UGT2A1: variants seen among roughly 807,000 people sequenced by gnomAD.
The protein encoded by UGT2A1 is UDP-glucuronosyltransferase 2A1.
A neutral mutation model predicts 45.4 loss-of-function variants in UGT2A1; 61 were observed. That is an observed-to-expected ratio of 1.34 (90% CI 1.09 to 1.66). The LOEUF (loss-of-function observed/expected upper bound fraction) is 1.66. Among genes scored for constraint, UGT2A1 ranks in the 40% most tolerant of loss-of-function variants. UGT2A1 has a pLI of 0.00. For missense variants in UGT2A1, 649 were observed against 574.3 expected, an observed-to-expected ratio of 1.13 and a Z score of -1.33; for synonymous variants, 229 against 196.2, an observed-to-expected ratio of 1.17 and a Z score of -1.40.
Position 69,600,773 on chromosome 4 carries a change from G to A in UGT2A1, c.848-1379C>T, listed in dbSNP as rs1046211676. 4.6e-5 allele frequency among the ~76,000 whole-genome samples: 7 copies of A among 151,178 alleles called. No homozygotes were observed. The East Asian group carries it at 1.4e-3, about 30-fold the overall frequency. On this transcript the variant is annotated intron_variant, in intron 3 of 6. Coordinates refer to ENST00000286604, the MANE Select transcript of UGT2A1 (RefSeq NM_001252275.3). ...GTTGTTTTGCATGATGGGAGCAGGA[G>A]CAAGAGAGAGAGTGAGGGCAAAGGT...
In UGT2A1 at chr4:69,608,433, G is replaced by C. The variant is rs553824647; in HGVS notation, c.848-9039C>G. ...CGGGGCCTGTTGTGGGGTGGGGGGA[G>C]GGGGGAAGGATAGCGTTGGGAAATA... On this transcript the variant is annotated intron_variant, in intron 3 of 6. Coordinates refer to ENST00000286604, the MANE Select transcript of UGT2A1 (RefSeq NM_001252275.3). Among the ~76,000 whole-genome samples the C allele has an allele frequency of 8.0e-4, 106 of 132,498 alleles. 1 individual carries two copies. The highest frequency in any genetic ancestry group is 1.9e-4 in the Non-Finnish European group (12 of 62,208). 86.9% of individuals were successfully genotyped at this position (132,498 alleles called of 152,430 possible). A position where few individuals can be genotyped will look rare whatever the true frequency, so the allele number is the denominator to read the frequency against.
chr4:69,599,209 A>G (rs1719109349), intron 4 of UGT2A1, 37 bp downstream of exon 4: 2 of 1,575,100 alleles, frequency 1.3e-6, no homozygotes, highest in African/African-American at 2.8e-5. Context: ...GTATTTTATT[A>G]TGAAGAGCAT....
intron 6 of UGT2A1, 136 bp from the exon 7 acceptor site, chr4:69,589,787 T>G: frequency 7.7e-7 from 1 of 1,295,234 alleles, no homozygotes; most frequent in Admixed American, 2.8e-5. Context: ...TGCATGAACT[T>G]TGTTAGTTGT....
At chr4:69,639,454 C>T in intron 2 of UGT2A1, 1 of 1,613,008 alleles carries the variant, frequency 6.2e-7, no homozygotes, top group Non-Finnish European at 8.5e-7. Context: ...GCTGATGAAG[C>T]CAGTACAGTC....
Position 69,594,704 on chromosome 4 carries a change from G to A in UGT2A1, c.1085-8C>T, listed in dbSNP as rs374927727. The A allele has an allele frequency of 2.3e-5, 37 of 1,610,934 alleles. No homozygotes were observed. The African/African-American group carries it at 4.4e-4, about 19-fold the overall frequency. On this transcript the variant is annotated splice_polypyrimidine_tract_variant and splice_region_variant and intron_variant, in intron 5 of 6. Coordinates refer to ENST00000286604, the MANE Select transcript of UGT2A1 (RefSeq NM_001252275.3). The stretch of plus-strand genomic sequence containing the variant: ...CTTTGGTTTTGGGATGTCCTAATTT[G>A]AGGATGGAGTGAGAAGTGGGTGTGT...
chr4:69,590,638 AGT>A (rs4148321), intron 6 of UGT2A1, among the ~76,000 whole-genome samples: 33,651 of 150,156 alleles, frequency 0.22, 3,844 homozygotes, highest in Middle Eastern at 0.31. Flanking sequence ...ACATGTGTTG[AGT>A]GTGTGTGTGT....
Position 69,594,570 on chromosome 4 carries a change from A to G in UGT2A1, c.1211T>C (p.Met404Thr). 1 of 1,614,156 alleles carries G rather than the reference A, an allele frequency of 6.2e-7. No individual in the cohort carries two copies. The highest frequency in any genetic ancestry group is 8.5e-7 in the Non-Finnish European group (1 of 1,180,040). ...TTCCACAGCTGCTCCTTTGGCCTTCATGTGAGCAATGTTATCAGGCTGATC... is the reference window on the plus strand; with the variant it reads ...TTCCACAGCTGCTCCTTTGGCCTTCGTGTGAGCAATGTTATCAGGCTGATC... ...FADQPDNIAHMKAKGAAVEVN... is the reference protein window; with the variant it reads ...FADQPDNIAHTKAKGAAVEVN... Residue 404 changes from methionine to threonine, a missense_variant, in exon 6 of 7, where the codon ATG becomes ACG. Coordinates refer to ENST00000286604, the MANE Select transcript of UGT2A1 (RefSeq NM_001252275.3).
At chr4:69,640,638 G>T (rs1722001724) in intron 2 of UGT2A1, among the ~76,000 whole-genome samples, 2 of 151,808 alleles carry the variant, frequency 1.3e-5, no homozygotes, top group Non-Finnish European at 2.9e-5. Context: ...CAAAAATTAA[G>T]ATTAGAAAAT....
chr4:69,589,714 A>G (rs546585927), intron 6 of UGT2A1, 63 bp from the exon 7 acceptor site: 1 of 1,553,190 alleles, frequency 6.4e-7, no homozygotes, highest in African/African-American at 1.4e-5. Context: ...TTGAAGATAA[A>G]TATGTGATAC....
chr4:69,592,606 A>G (rs1161865122), intron 6 of UGT2A1, among the ~76,000 whole-genome samples: 1 of 152,180 alleles, frequency 6.6e-6, no homozygotes, highest in Non-Finnish European at 1.5e-5. Flanking sequence ...AGCAATGCTC[A>G]TGGTAAAAAT....
intron 3 of UGT2A1, among the ~76,000 whole-genome samples, chr4:69,618,187 A>ATG (rs72430246): frequency 0.46 from 65,874 of 144,356 alleles, 15,633 homozygotes; most frequent in East Asian, 0.68. Context: ...GCCAGTAAGC[A>ATG]TGTGTGTGTG....
At position 69,589,617 on chromosome 4, in the gene UGT2A1, G is replaced by A. The variant is rs1340139330; in HGVS notation, c.1339C>T (p.His447Tyr). 6 of 1,613,844 alleles carry A rather than the reference G, an allele frequency of 3.7e-6. No homozygotes were observed. Among genetic ancestry groups the A allele is most frequent in the East Asian group, 2.2e-5 (1 of 44,872 alleles). The stretch of plus-strand genomic sequence containing the variant: ...AGGGGCTTTACAGGTTGATCATGGT[G>A]AATTCTTGATAACCTCATAGCATTC... The part of the protein sequence containing the change: ...KENAMRLSRI[H>Y]HDQPVKPLDR... Residue 447 changes from histidine (H) to tyrosine (Y), a missense_variant, in exon 7 of 7, where the codon CAC (histidine) becomes TAC (tyrosine). Physicochemically the swap from His to Tyr is moderately conservative, Grantham distance 83. Coordinates refer to ENST00000286604, the MANE Select transcript of UGT2A1 (RefSeq NM_001252275.3).
At chr4:69,639,704 T>G (rs1159885278) in intron 2 of UGT2A1, 1 of 1,442,692 alleles carries the variant, frequency 6.9e-7, no homozygotes, top group Non-Finnish European at 9.2e-7. Flanking sequence ...AATTTTTAAA[T>G]AAAGTAATAT....
chr4:69,610,385 A>G (rs1272644543), intron 3 of UGT2A1, among the ~76,000 whole-genome samples: 1 of 152,062 alleles, frequency 6.6e-6, no homozygotes, highest in Non-Finnish European at 1.5e-5. Flanking sequence ...CTGGCCATTT[A>G]TCTTCTTGAC....
rs184891015 is a variant in UGT2A1 at position 69,644,433 on chromosome 4, G to A, written c.715+2497C>T. Among the ~76,000 whole-genome samples the A allele has an allele frequency of 1.2e-4, 18 of 151,740 alleles. No homozygotes were observed. The East Asian group carries it at 2.9e-3, about 25-fold the overall frequency. On this transcript the variant is annotated intron_variant, in intron 2 of 6. Coordinates refer to ENST00000286604, the MANE Select transcript of UGT2A1 (RefSeq NM_001252275.3). ...CCAAGAGACGGTCTATGTACATTCC[G>A]CTCTTATATGAACGGAGATGCTGCA...
intron 3 of UGT2A1, among the ~76,000 whole-genome samples, chr4:69,625,021 A>AT (rs1451426382): frequency 6.6e-6 from 1 of 151,182 alleles, no homozygotes; most frequent in Non-Finnish European, 1.5e-5. Context: ...ATCAGCCTTT[A>AT]TTTTTAAAAT....
chr4:69,589,622 C>T lies in UGT2A1; in HGVS notation c.1334G>A (p.Arg445Lys), dbSNP rs1290352066. The change falls in exon 7 of 7, where the codon AGA (arginine) becomes AAA (lysine). Residue 445 changes from arginine (R) to lysine (K), a missense_variant. Physicochemically the swap from Arg to Lys is conservative, Grantham distance 26 (BLOSUM62 2). Transcript: ENST00000286604. ...SYKENAMRLS[R>K]IHHDQPVKPL... ...CTTTACAGGTTGATCATGGTGAATT[C>T]TTGATAACCTCATAGCATTCTCTTT... The T allele has an allele frequency of 1.2e-6, 2 of 1,613,802 alleles. No homozygotes were observed. Among genetic ancestry groups the T allele is most frequent in the Admixed American group, 3.3e-5 (2 of 60,000 alleles).
chr4:69,615,172 C>G (rs1170205451), intron 3 of UGT2A1, among the ~76,000 whole-genome samples: 1 of 151,970 alleles, frequency 6.6e-6, no homozygotes, highest in African/African-American at 2.4e-5. Context: ...CAATCTCTAT[C>G]TCTCACCATA....
intron 2 of UGT2A1, among the ~76,000 whole-genome samples, chr4:69,642,014 A>T (rs140191603): frequency 6.6e-6 from 1 of 151,876 alleles, no homozygotes; most frequent in Non-Finnish European, 1.5e-5. Context: ...AATTTCTCAA[A>T]CACTGAGAGT....
Sources: allele counts gnomAD v4.1 joint callset (sites outside exome capture counted in the v4.1 genomes callset), GRCh38; gene constraint gnomAD v4.1.1; transcripts MANE v1.5; gene names NCBI Gene and HGNC (gene_info 2026-07-23, HGNC 2026-07-21).